KIAA1328: variants seen among roughly 807,000 people sequenced by gnomAD.
The protein encoded by KIAA1328 is KIAA1328, also known as protein hinderin.
Under a neutral mutation model 68.1 loss-of-function variants are expected in KIAA1328, and 52 were observed. The observed-to-expected ratio is 0.76, with a 90% CI of 0.61 to 0.96. The LOEUF (loss-of-function observed/expected upper bound fraction) is 0.96, where lower values mean the gene tolerates loss of function less well. Among genes scored for constraint, KIAA1328 ranks in the 40% least tolerant of loss-of-function variants. The probability of loss-of-function intolerance (pLI) is 0.00; values close to 1 mark genes in which losing one functional copy is unlikely to be tolerated. For synonymous variants in KIAA1328, 232 were observed against 239.4 expected, an observed-to-expected ratio of 0.97 and a Z score of 0.28; for missense variants, 641 against 677.6, an observed-to-expected ratio of 0.95 and a Z score of 0.60.
At chr18:37,210,313 G>A (rs964986911) in intron 9 of KIAA1328, among the ~76,000 whole-genome samples, 2 of 152,150 alleles carry the variant, frequency 1.3e-5, no homozygotes, top group African/African-American at 2.4e-5. Context: ...GAGAGCTCTA[G>A]GAAGACAGAA....
chr18:37,051,458 T>C (rs2055690674), intron 6 of KIAA1328, among the ~76,000 whole-genome samples: 2 of 152,042 alleles, frequency 1.3e-5, no homozygotes, highest in Admixed American at 6.6e-5. Context: ...CTAGAGGAAA[T>C]GGATAAATTC....
intron 4 of KIAA1328, among the ~76,000 whole-genome samples, chr18:36,851,421 C>T (rs1294410947): frequency 6.6e-6 from 1 of 152,086 alleles, no homozygotes; most frequent in Non-Finnish European, 1.5e-5. Flanking sequence ...ATCAGTGAAG[C>T]CATCTGGTCC....
chr18:37,186,800 A>G (rs904098877), intron 9 of KIAA1328, among the ~76,000 whole-genome samples: 2 of 152,128 alleles, frequency 1.3e-5, no homozygotes, highest in African/African-American at 4.8e-5. Flanking sequence ...CACATTTCCT[A>G]TTTGCTTATT....
At chr18:37,075,126 C>T (rs1218733144) in intron 7 of KIAA1328, 8 of 151,952 alleles carry the variant, frequency 5.3e-5, no homozygotes, top group South Asian at 4.2e-4. Flanking sequence ...AGACTAACAG[C>T]GGATCTCTTG....
intron 1 of KIAA1328, among the ~76,000 whole-genome samples, chr18:36,833,803 A>G (rs2046579984): frequency 6.6e-6 from 1 of 152,196 alleles, no homozygotes; most frequent in African/African-American, 2.4e-5. Flanking sequence ...GCTTCTTGGG[A>G]TATTTTATGA....
intron 5 of KIAA1328, among the ~76,000 whole-genome samples, chr18:36,932,257 C>G (rs995312244): frequency 4.6e-5 from 7 of 152,154 alleles, no homozygotes; most frequent in Non-Finnish European, 4.4e-5. Context: ...GGGTCTCACT[C>G]TGTCACCCAG....
intron 6 of KIAA1328, among the ~76,000 whole-genome samples, chr18:37,027,160 A>G (rs910366034): frequency 1.3e-5 from 2 of 152,210 alleles, no homozygotes; most frequent in African/African-American, 4.8e-5. Context: ...CCAACTTACA[A>G]GGGACGTGAA....
At chr18:37,114,875 T>C (rs910905652) in intron 7 of KIAA1328, among the ~76,000 whole-genome samples, 1 of 152,150 alleles carries the variant, frequency 6.6e-6, no homozygotes, top group African/African-American at 2.4e-5. Flanking sequence ...CATCAGATAA[T>C]ACTATAAACA....
intron 6 of KIAA1328, among the ~76,000 whole-genome samples, chr18:37,040,070 A>T (rs1462074832): frequency 6.6e-6 from 1 of 152,114 alleles, no homozygotes; most frequent in East Asian, 1.9e-4. Flanking sequence ...AGCAGGTCAA[A>T]TCCTTCTTAT....
intron 5 of KIAA1328, among the ~76,000 whole-genome samples, chr18:36,914,581 G>T (rs529921315): frequency 1.3e-5 from 2 of 151,846 alleles, no homozygotes; most frequent in African/African-American, 4.8e-5. Context: ...TTAGCCAGGC[G>T]CAGTGGCGGG....
At chr18:37,134,873 A>G (rs1026918290) in intron 7 of KIAA1328, among the ~76,000 whole-genome samples, 1 of 152,074 alleles carries the variant, frequency 6.6e-6, no homozygotes, top group Non-Finnish European at 1.5e-5. Context: ...ACCTTCTAGT[A>G]GTTCCCAGTG....
intron 6 of KIAA1328, among the ~76,000 whole-genome samples, chr18:37,046,437 C>T (rs2055472426): frequency 6.6e-6 from 1 of 152,090 alleles, no homozygotes; most frequent in South Asian, 2.1e-4. Flanking sequence ...CCCTGAAATC[C>T]AAATGTTGTT....
intron 5 of KIAA1328, chr18:36,902,306 C>T (rs996708850): frequency 2.6e-5 from 4 of 151,956 alleles, no homozygotes; most frequent in Non-Finnish European, 5.9e-5. Flanking sequence ...GCTGAAGAAA[C>T]GCATTCTGTC....
At chr18:37,023,731 A>ATGTAT (rs1478756273) in intron 6 of KIAA1328, among the ~76,000 whole-genome samples, 1 of 152,174 alleles carries the variant, frequency 6.6e-6, no homozygotes, top group Admixed American at 6.5e-5. Flanking sequence ...GAAGCAACTG[A>ATGTAT]TTACTTCATT....
At chr18:36,857,070 C>G (rs2162389) in intron 4 of KIAA1328, among the ~76,000 whole-genome samples, 40,621 of 151,942 alleles carry the variant, frequency 0.27, 8,559 homozygotes, top group African/African-American at 0.59. Flanking sequence ...CTACAACTCT[C>G]CCTTAGCCTC....
At chr18:37,174,185 A>T (rs1041132092) in intron 9 of KIAA1328, among the ~76,000 whole-genome samples, 2 of 152,188 alleles carry the variant, frequency 1.3e-5, no homozygotes, top group Admixed American at 1.3e-4. Context: ...AGGAAACTAA[A>T]GTTCAGAGAT....
intron 9 of KIAA1328, among the ~76,000 whole-genome samples, chr18:37,217,829 T>C (rs560342602): frequency 6.6e-6 from 1 of 152,370 alleles, no homozygotes; most frequent in Non-Finnish European, 1.5e-5. Context: ...TTTGGTCTTT[T>C]CACATAGTCT....
intron 6 of KIAA1328, among the ~76,000 whole-genome samples, chr18:37,002,869 C>A (rs1253205219): frequency 6.6e-6 from 1 of 151,930 alleles, no homozygotes; most frequent in Non-Finnish European, 1.5e-5. Flanking sequence ...ACAAAAGTGC[C>A]CAAATAGCCA....
At chr18:37,061,597 C>A (rs1033772972) in intron 6 of KIAA1328, among the ~76,000 whole-genome samples, 4 of 152,018 alleles carry the variant, frequency 2.6e-5, no homozygotes, top group African/African-American at 9.7e-5. Context: ...TTGGTTTAAG[C>A]CTTAGTTAAG....
Sources: gnomAD v4.1 joint callset for allele counts (sites outside exome capture counted in the v4.1 genomes callset) on GRCh38, gnomAD v4.1.1 for gene constraint, MANE v1.5 for transcripts, NCBI Gene and HGNC (gene_info 2026-07-23, HGNC 2026-07-21) for gene names.